Variants in PHAF1 observed in about 807,000 individuals in gnomAD.
The protein encoded by PHAF1 is phagophore assembly factor 1.
Under a neutral mutation model 63.1 loss-of-function variants are expected in PHAF1, and 23 were observed. That is an observed-to-expected ratio of 0.36 (90% CI 0.26 to 0.52). The LOEUF is 0.52. PHAF1 is among the 20% of genes least tolerant of loss of function. The probability of loss-of-function intolerance (pLI) is 0.93; values close to 1 mark genes in which losing one functional copy is unlikely to be tolerated. For missense variants in PHAF1, 427 were observed against 517.2 expected (o/e 0.83, Z 1.69); for synonymous variants, 167 against 185.0 (o/e 0.90, Z 0.79).
In PHAF1 at chr16:67,146,359, T is replaced by G. The variant is rs1410254999; in HGVS notation, c.1182+9T>G. 6.2e-7 allele frequency: 1 copy of G among 1,612,926 alleles called. No individual in the cohort carries two copies. Among genetic ancestry groups the G allele is most frequent in the Admixed American group, 1.7e-5 (1 of 60,032 alleles). On this transcript the variant is annotated intron_variant, in intron 15 of 15. Transcript: ENST00000219139. ...AGCGAATGATCTTTGAGGTAAGCTG[T>G]GGAAGCCCTAGAAATAAACTGCCTG...
At chr16:67,141,519 C>A (rs947777369) in intron 10 of PHAF1, among the ~76,000 whole-genome samples, 1 of 152,232 alleles carries the variant, frequency 6.6e-6, no homozygotes, top group South Asian at 2.1e-4. Context: ...TGGCAGGCTG[C>A]GCTTAGCTCA....
intron 14 of PHAF1, 151 bp from the exon 15 acceptor site, chr16:67,146,127 A>G: frequency 1.3e-6 from 1 of 759,080 alleles, no homozygotes; most frequent in South Asian, 1.5e-5. Context: ...CCCTACCCCT[A>G]GGATCTTGCA....
intron 3 of PHAF1, among the ~76,000 whole-genome samples, chr16:67,130,382 T>A (rs1475972295): frequency 5.4e-5 from 7 of 128,808 alleles, no homozygotes; most frequent in Admixed American, 3.4e-4. Context: ...GGAGTCTCGC[T>A]CTGTCACCCA....
At chr16:67,110,554 C>T (rs1427475596) in intron 1 of PHAF1, among the ~76,000 whole-genome samples, 1 of 152,246 alleles carries the variant, frequency 6.6e-6, no homozygotes, top group Non-Finnish European at 1.5e-5. Context: ...CTCTAGTACC[C>T]CTCGCCGGCA....
chr16:67,139,891 T>C (rs999403676), intron 8 of PHAF1, 93 bp from the exon 9 acceptor site: 57 of 1,444,484 alleles, frequency 3.9e-5, no homozygotes, highest in Non-Finnish European at 5.2e-5. Context: ...GACCTAATAA[T>C]GTAGCATGCA....
intron 10 of PHAF1, among the ~76,000 whole-genome samples, chr16:67,143,135 A>T (rs1376536310): frequency 6.6e-6 from 1 of 152,170 alleles, no homozygotes; most frequent in Non-Finnish European, 1.5e-5. Flanking sequence ...GTCAGGCTGG[A>T]ACTTCAGTTC....
At chr16:67,113,692 G>A (rs1206585735) in intron 1 of PHAF1, among the ~76,000 whole-genome samples, 5 of 150,034 alleles carry the variant, frequency 3.3e-5, no homozygotes, top group Non-Finnish European at 5.9e-5. Flanking sequence ...GTCGTGATCC[G>A]CCCACCTCGG....
intron 8 of PHAF1, among the ~76,000 whole-genome samples, chr16:67,137,316 G>T (rs925799756): frequency 1.3e-5 from 2 of 152,028 alleles, no homozygotes; most frequent in Non-Finnish European, 2.9e-5. Context: ...TGGTTTTGGG[G>T]TTTTTTGTTG....
Position 67,134,387 on chromosome 16 carries a change from G to A in PHAF1, c.581G>A (p.Gly194Asp). 6.2e-7 allele frequency: 1 copy of A among 1,614,130 alleles called. No homozygotes were observed. Among genetic ancestry groups the A allele is most frequent in the African/African-American group, 1.3e-5 (1 of 75,036 alleles). ...APMMPLSCFL[G>D]NVYAESVDVL... is the part of the protein sequence containing the mutation. Reference sequence around the variant, plus strand: ...ATGATGCCTCTGAGCTGTTTCCTGGGCAATGTCTATGCTGAGAGTGTAGAT... The same window carrying A: ...ATGATGCCTCTGAGCTGTTTCCTGGACAATGTCTATGCTGAGAGTGTAGAT... Residue 194 changes from glycine to aspartate, a missense_variant, in exon 8 of 16, where the codon GGC (glycine) becomes GAC (aspartate). Transcript: ENST00000219139.
intron 11 of PHAF1, 23 bp downstream of exon 11, chr16:67,144,399 C>T (rs780741474): frequency 6.5e-7 from 1 of 1,543,758 alleles, no homozygotes; most frequent in South Asian, 1.1e-5. Flanking sequence ...GTCTGTACCT[C>T]CCCTCTGTGA....
At chr16:67,116,530 T>G (rs1260630045) in intron 1 of PHAF1, among the ~76,000 whole-genome samples, 1 of 152,184 alleles carries the variant, frequency 6.6e-6, no homozygotes, top group African/African-American at 2.4e-5. Flanking sequence ...AATCCATCAG[T>G]CCCACTCAGT....
intron 1 of PHAF1, among the ~76,000 whole-genome samples, chr16:67,113,651 G>A (rs1478595148): frequency 6.6e-6 from 1 of 151,512 alleles, no homozygotes; most frequent in Non-Finnish European, 1.5e-5. Context: ...GGGTTTCACC[G>A]TGTTAGCCAG....
chr16:67,147,719 A>G lies in PHAF1; in HGVS notation c.*588A>G, dbSNP rs2030221634. ...CAAACTGGTTGAAACACAGCTTTCTACCATCCAGGTACATGCCCAGGCCTG... is the reference window on the plus strand; with the variant it reads ...CAAACTGGTTGAAACACAGCTTTCTGCCATCCAGGTACATGCCCAGGCCTG... On this transcript the variant is annotated 3_prime_UTR_variant, in exon 16 of 16. Coordinates refer to ENST00000219139, the MANE Select transcript of PHAF1 (RefSeq NM_025187.5). The G allele has an allele frequency of 6.5e-6, 1 of 152,798 alleles. No homozygotes were observed. The highest frequency in any genetic ancestry group is 2.4e-5 in the African/African-American group (1 of 41,420). The allele number at this position is 152,798 out of a possible 1,614,324, so 9.5% of individuals were successfully genotyped here.
At chr16:67,132,740 C>A (rs1216996747) in intron 5 of PHAF1, 77 bp from the exon 6 acceptor site, 1 of 1,342,474 alleles carries the variant, frequency 7.4e-7, no homozygotes, top group African/African-American at 1.4e-5. Context: ...AGTCATTACT[C>A]CCTGCCAGGC....
chr16:67,136,716 G>GGGA (rs2145874776), intron 8 of PHAF1, among the ~76,000 whole-genome samples: 1 of 152,014 alleles, frequency 6.6e-6, no homozygotes, highest in African/African-American at 2.4e-5. Context: ...CGAAGAAACT[G>GGGA]GGACTACAGG....
intron 8 of PHAF1, among the ~76,000 whole-genome samples, chr16:67,138,673 A>G (rs1005807697): frequency 1.6e-4 from 24 of 152,186 alleles, no homozygotes; most frequent in African/African-American, 5.8e-4. Flanking sequence ...GAAATGTTTT[A>G]TTAGAAAAAG....
intron 1 of PHAF1, among the ~76,000 whole-genome samples, chr16:67,110,949 T>C (rs1962487904): frequency 6.6e-6 from 1 of 152,110 alleles, no homozygotes; most frequent in Non-Finnish European, 1.5e-5. Context: ...GTAGCTAGGA[T>C]TACAGGCACG....
At chr16:67,121,650 G>A (rs1335106421) in intron 2 of PHAF1, among the ~76,000 whole-genome samples, 1 of 147,316 alleles carries the variant, frequency 6.8e-6, no homozygotes, top group African/African-American at 2.5e-5. Context: ...GTGCAATCTC[G>A]GCTCACCTCA....
At chr16:67,127,795 C>CAA (rs907156115) in intron 3 of PHAF1, among the ~76,000 whole-genome samples, 12 of 137,924 alleles carry the variant, frequency 8.7e-5, no homozygotes, top group African/African-American at 3.2e-4. Context: ...GACTCCGTCT[C>CAA]AAAAAAAAAA....
Sources: gnomAD v4.1 joint callset for allele counts (sites outside exome capture counted in the v4.1 genomes callset) on GRCh38, gnomAD v4.1.1 for gene constraint, MANE v1.5 for transcripts, NCBI Gene and HGNC (gene_info 2026-07-23, HGNC 2026-07-21) for gene names.